PDE3A: variants seen among roughly 807,000 people sequenced by gnomAD.
The protein encoded by PDE3A is phosphodiesterase 3A, also known as cGMP-inhibited 3',5'-cyclic phosphodiesterase 3A.
In PDE3A, 43 loss-of-function variants were observed where a neutral mutation model predicts 98.3. The observed-to-expected ratio is 0.44, with a 90% CI of 0.34 to 0.56. PDE3A has a LOEUF of 0.56. PDE3A is among the 20% of genes least tolerant of loss of function. PDE3A has a pLI of 0.01. For synonymous variants in PDE3A, 663 were observed against 567.9 expected, an observed-to-expected ratio of 1.17 and a Z score of -2.38; for missense variants, 1,427 against 1,440.7, an observed-to-expected ratio of 0.99 and a Z score of 0.15.
chr12:20,385,266 G>A (rs564261975), intron 1 of PDE3A, among the ~76,000 whole-genome samples: 7 of 151,854 alleles, frequency 4.6e-5, no homozygotes, highest in South Asian at 2.1e-4. Context: ...TTAGAATGGC[G>A]ATCATTAAAA....
At chr12:20,523,532 A>G (rs1254856754) in intron 1 of PDE3A, among the ~76,000 whole-genome samples, 1 of 152,226 alleles carries the variant, frequency 6.6e-6, no homozygotes, top group Admixed American at 6.5e-5. Context: ...TTTTTAAGTT[A>G]ATAGTACTTA....
chr12:20,539,392 C>CA (rs761324813), intron 1 of PDE3A, among the ~76,000 whole-genome samples: 4 of 151,924 alleles, frequency 2.6e-5, no homozygotes, highest in South Asian at 4.2e-4. Flanking sequence ...CATCCTGTGG[C>CA]AAAAAAAGTT....
intron 1 of PDE3A, among the ~76,000 whole-genome samples, chr12:20,492,429 T>C (rs1945845076): frequency 6.6e-6 from 1 of 152,024 alleles, no homozygotes; most frequent in South Asian, 2.1e-4. Flanking sequence ...TGAGTCACAG[T>C]CTGGGCAGGA....
In PDE3A at chr12:20,444,395, C is replaced by T. The variant is rs1944919986; in HGVS notation, c.960+74151C>T. Among the ~76,000 whole-genome samples the T allele has an allele frequency of 2.0e-5, 3 of 152,072 alleles. No individual in the cohort carries two copies. In the East Asian group the frequency reaches 5.8e-4, roughly 29 times the overall value. ...CAACAGAGAGCAATGTCTCTTAAAC[C>T]CATAAACCCATTCAAAAACCAAAAC... On this transcript the variant is annotated intron_variant, in intron 1 of 15. Transcript: ENST00000359062.
chr12:20,520,373 G>A (rs1417965820), intron 1 of PDE3A, among the ~76,000 whole-genome samples: 1 of 152,130 alleles, frequency 6.6e-6, no homozygotes, highest in Non-Finnish European at 1.5e-5. Flanking sequence ...TATTTGACTT[G>A]AATTTCCATT....
chr12:20,509,127 G>A (rs77493038), intron 1 of PDE3A, among the ~76,000 whole-genome samples: 5,116 of 151,986 alleles, frequency 0.034, 285 homozygotes, highest in African/African-American at 0.12. Context: ...ATTCAATTAC[G>A]TCTAACAAAC....
Position 20,553,749 on chromosome 12 carries a change from CG to C in PDE3A, c.961-2909del, listed in dbSNP as rs1410011564. On this transcript the variant is annotated intron_variant, in intron 1 of 15. Coordinates refer to ENST00000359062, the MANE Select transcript of PDE3A (RefSeq NM_000921.5). Reference sequence around the variant, plus strand: ...TGACGCTGTCCGACGAAGGCGGCCACGGACGGACGCCAGCACATGAAGTCAC... The same window carrying C: ...TGACGCTGTCCGACGAAGGCGGCCACGACGGACGCCAGCACATGAAGTCAC... 2.6e-5 allele frequency among the ~76,000 whole-genome samples: 4 copies of C among 152,338 alleles called. No homozygotes were observed. The East Asian group carries it at 7.7e-4, about 29-fold the overall frequency.
At position 20,680,558 on chromosome 12, in the gene PDE3A, CAT is replaced by C. The variant is rs1406335602; in HGVS notation, c.*290_*291del. The C allele has an allele frequency of 6.4e-6, 2 of 312,114 alleles. No homozygotes were observed. The highest frequency in any genetic ancestry group is 2.1e-5 in the African/African-American group (1 of 46,960). 19.3% of individuals were successfully genotyped at this position (312,114 alleles called of 1,614,324 possible). On this transcript the variant is annotated 3_prime_UTR_variant, in exon 16 of 16. Transcript: ENST00000359062. ...AGCTCCCACATAGATACATGTAAAA[CAT>C]ATTCACACCCATGCACGCACACACA... is the stretch of plus-strand genomic sequence containing the variant.
intron 1 of PDE3A, among the ~76,000 whole-genome samples, chr12:20,475,215 G>GTA (rs1565561126): frequency 6.7e-6 from 1 of 149,052 alleles, no homozygotes; most frequent in East Asian, 2.0e-4. Flanking sequence ...GTGTGTGTGT[G>GTA]TGTATGTTCC....
At chr12:20,508,714 T>G (rs1238172490) in intron 1 of PDE3A, among the ~76,000 whole-genome samples, 1 of 151,976 alleles carries the variant, frequency 6.6e-6, no homozygotes, top group East Asian at 1.9e-4. Flanking sequence ...CTGGGATCGA[T>G]TCCTATTTTT....
intron 1 of PDE3A, among the ~76,000 whole-genome samples, chr12:20,555,963 G>A (rs999023583): frequency 2.0e-5 from 3 of 152,118 alleles, no homozygotes; most frequent in African/African-American, 7.2e-5. Flanking sequence ...AGCTGGTACT[G>A]ATGACTAATA....
chr12:20,440,095 A>G (rs1442184647), intron 1 of PDE3A, among the ~76,000 whole-genome samples: 1 of 152,198 alleles, frequency 6.6e-6, no homozygotes, highest in African/African-American at 2.4e-5. Flanking sequence ...ATAAATCCAA[A>G]GAAATCTAAT....
At chr12:20,551,610 C>G (rs868308058) in intron 1 of PDE3A, 94 of 1,563,206 alleles carry the variant, frequency 6.0e-5, no homozygotes, top group Non-Finnish European at 4.3e-6. Context: ...GGCAGGACCC[C>G]GACAAGCAGC....
chr12:20,470,886 G>A (rs61912063), intron 1 of PDE3A, among the ~76,000 whole-genome samples: 43,461 of 149,796 alleles, frequency 0.29, 7,945 homozygotes, highest in East Asian at 0.66. Context: ...GTGGGCCCTC[G>A]TAATGGGATT....
rs1360255380 is a variant in PDE3A at position 20,552,206 on chromosome 12, A to T, written c.961-4454A>T. On this transcript the variant is annotated intron_variant, in intron 1 of 15. Coordinates refer to ENST00000359062, the MANE Select transcript of PDE3A (RefSeq NM_000921.5). The surrounding 1 kb of genome is among the most constrained non-coding windows in gnomAD (Gnocchi z 5.1). ...GACCAAGAAGGGGCCGAGGCCAAGG[A>T]CTGGCGGTCGGGGAAGCCGGTCAGG... 1 of 1,613,786 alleles carries T rather than the reference A, an allele frequency of 6.2e-7. No individual in the cohort carries two copies. The highest frequency in any genetic ancestry group is 8.5e-7 in the Non-Finnish European group (1 of 1,179,894).
chr12:20,459,915 G>A (rs889254755), intron 1 of PDE3A, among the ~76,000 whole-genome samples: 1 of 152,194 alleles, frequency 6.6e-6, no homozygotes, highest in African/African-American at 2.4e-5. Context: ...ACCCAAGGCT[G>A]GAGGCCATGA....
chr12:20,458,551 G>A (rs765609573), intron 1 of PDE3A, among the ~76,000 whole-genome samples: 5 of 152,060 alleles, frequency 3.3e-5, no homozygotes, highest in Non-Finnish European at 7.4e-5. Context: ...AAACTGTGGT[G>A]ACATTCAACC....
chr12:20,435,366 G>C (rs768406014), intron 1 of PDE3A, among the ~76,000 whole-genome samples: 22 of 151,908 alleles, frequency 1.4e-4, no homozygotes, highest in Non-Finnish European at 2.6e-4. Context: ...TAGAATTTAG[G>C]CTTGTCTTCC....
At chr12:20,373,678 A>G (rs1943520372) in intron 1 of PDE3A, among the ~76,000 whole-genome samples, 1 of 152,126 alleles carries the variant, frequency 6.6e-6, no homozygotes, top group South Asian at 2.1e-4. Flanking sequence ...ATACAAAGGC[A>G]TATGACTGTC....
Sources: gnomAD v4.1 joint callset for allele counts (sites outside exome capture counted in the v4.1 genomes callset) on GRCh38, gnomAD v4.1.1 for gene constraint, Gnocchi (gnomAD v3.1) non-coding constraint, MANE v1.5 for transcripts, NCBI Gene and HGNC (gene_info 2026-07-23, HGNC 2026-07-21) for gene names.